Variants in CNTNAP5 observed in about 807,000 individuals in gnomAD.
CNTNAP5 encodes the protein contactin associated protein family member 5, also known as contactin-associated protein-like 5.
In CNTNAP5, 72 loss-of-function variants were observed where a neutral mutation model predicts 150.2. The ratio of observed to expected loss-of-function variants is 0.48; its 90% CI spans 0.40 to 0.58. The LOEUF is 0.58. Ranked by LOEUF, CNTNAP5 falls within the 20% of genes least tolerant of loss-of-function variation. CNTNAP5 has a pLI of 0.00. For synonymous variants in CNTNAP5, 672 were observed against 619.8 expected, an observed-to-expected ratio of 1.08 and a Z score of -1.25; for missense variants, 1,636 against 1,626.2, an observed-to-expected ratio of 1.01 and a Z score of -0.10.
At chr2:124,610,395 C>G (rs938046169) in intron 12 of CNTNAP5, among the ~76,000 whole-genome samples, 12 of 152,074 alleles carry the variant, frequency 7.9e-5, no homozygotes. Flanking sequence ...GTGGCTACCC[C>G]CAGAGCTGTG....
At chr2:124,857,886 G>A (rs1049799749) in intron 19 of CNTNAP5, among the ~76,000 whole-genome samples, 1 of 151,926 alleles carries the variant, frequency 6.6e-6, no homozygotes, top group African/African-American at 2.4e-5. Flanking sequence ...CACACTCTAG[G>A]CGAGACAGTG....
Position 124,915,523 on chromosome 2 carries a change from G to A in CNTNAP5, c.*1235G>A, listed in dbSNP as rs1678748966. 6.6e-6 allele frequency among the ~76,000 whole-genome samples: 1 copy of A among 151,962 alleles called. No homozygotes were observed. The highest frequency in any genetic ancestry group is 6.6e-5 in the Admixed American group (1 of 15,238). On this transcript the variant is annotated 3_prime_UTR_variant, in exon 24 of 24. Coordinates refer to ENST00000682447, the MANE Select transcript of CNTNAP5 (RefSeq NM_001367498.1). The stretch of plus-strand genomic sequence containing the variant: ...AAGTTTAGGATGCATTAACATAAGT[G>A]AAATGGTCACCTCTAGCTAACTAGC...
intron 10 of CNTNAP5, among the ~76,000 whole-genome samples, chr2:124,536,553 G>A (rs1357838380): frequency 1.3e-5 from 2 of 152,178 alleles, no homozygotes; most frequent in Non-Finnish European, 2.9e-5. Context: ...TTCTTAGAGA[G>A]GTTCAGTGAC....
chr2:124,459,380 G>T (rs1485779649), intron 6 of CNTNAP5, among the ~76,000 whole-genome samples: 1 of 152,166 alleles, frequency 6.6e-6, no homozygotes, highest in African/African-American at 2.4e-5. Flanking sequence ...CTCAGATTGT[G>T]ATAAAGGGTA....
At position 124,745,480 on chromosome 2, in the gene CNTNAP5, A is replaced by T. The variant is rs536621357; in HGVS notation, c.2078-1749A>T. On this transcript the variant is annotated intron_variant, in intron 13 of 23. Coordinates refer to ENST00000682447, the MANE Select transcript of CNTNAP5 (RefSeq NM_001367498.1). ...GTGATGACCCACCTAAGCTTACTCC[A>T]TTCCTGAATGTGCTCCATGCTCCAA... Among the ~76,000 whole-genome samples the T allele has an allele frequency of 2.0e-5, 3 of 152,222 alleles. No individual in the cohort carries two copies. In the South Asian group the frequency reaches 6.2e-4, roughly 32 times the overall value.
chr2:124,562,152 G>A (rs1573460527), intron 10 of CNTNAP5, among the ~76,000 whole-genome samples: 1 of 152,052 alleles, frequency 6.6e-6, no homozygotes, highest in Non-Finnish European at 1.5e-5. Flanking sequence ...TGTGATTTCT[G>A]TCTGGAAGAA....
chr2:124,117,563 A>G (rs950023446), intron 1 of CNTNAP5, among the ~76,000 whole-genome samples: 3 of 152,228 alleles, frequency 2.0e-5, no homozygotes, highest in African/African-American at 7.2e-5. Context: ...TAAACAATCT[A>G]TAATGAAATA....
At chr2:124,347,046 C>T (rs1012661739) in intron 3 of CNTNAP5, among the ~76,000 whole-genome samples, 6 of 151,938 alleles carry the variant, frequency 3.9e-5, no homozygotes, top group African/African-American at 1.5e-4. Context: ...CAAGATCATG[C>T]CACTGCACTC....
rs186952744 is a variant in CNTNAP5, at chr2:124,235,869, T to G, written c.188-6331T>G. 1.4e-4 allele frequency among the ~76,000 whole-genome samples: 21 copies of G among 152,274 alleles called. No homozygotes were observed. In the East Asian group the frequency reaches 3.9e-3, roughly 28 times the overall value. On this transcript the variant is annotated intron_variant, in intron 2 of 23. Transcript: ENST00000682447. The stretch of plus-strand genomic sequence containing the variant: ...TGCAGACTGGTCTCAATCAGGGTCA[T>G]TCCAGATTTTCTTACAGGTGTTTAT...
chr2:124,589,968 C>A (rs1049284923), intron 11 of CNTNAP5, among the ~76,000 whole-genome samples: 6 of 152,070 alleles, frequency 3.9e-5, no homozygotes, highest in Non-Finnish European at 7.4e-5. Flanking sequence ...GTGATTAGGC[C>A]ATGAGTGCTC....
chr2:124,388,766 C>T lies in CNTNAP5; in HGVS notation c.382-28677C>T, dbSNP rs147333892. On this transcript the variant is annotated intron_variant, in intron 3 of 23. Transcript: ENST00000682447. ...GTGAGACTCCACTGGCTTCAATCTC[C>T]GCCTTCCGGATTCAAGTGATTCTCC... Among the ~76,000 whole-genome samples, 113 of 152,196 alleles carry T rather than the reference C, an allele frequency of 7.4e-4. 1 individual carries two copies. In the East Asian group the frequency reaches 0.018, roughly 24 times the overall value.
At chr2:124,693,837 A>G (rs1345422632) in intron 13 of CNTNAP5, among the ~76,000 whole-genome samples, 3 of 140,490 alleles carry the variant, frequency 2.1e-5, no homozygotes, top group African/African-American at 2.7e-5. Context: ...CAAAAAAAAA[A>G]GGCAAAAAAA....
At chr2:124,582,686 T>A (rs1696441954) in intron 11 of CNTNAP5, among the ~76,000 whole-genome samples, 1 of 151,914 alleles carries the variant, frequency 6.6e-6, no homozygotes, top group Non-Finnish European at 1.5e-5. Flanking sequence ...ATATAATCCA[T>A]GAAAGTTTTT....
At chr2:124,453,935 A>C (rs1313031077) in intron 6 of CNTNAP5, among the ~76,000 whole-genome samples, 1 of 152,232 alleles carries the variant, frequency 6.6e-6, no homozygotes, top group East Asian at 1.9e-4. Flanking sequence ...GAGCCTCTTT[A>C]AAGCATAAAT....
chr2:124,775,367 A>G (rs547500802), intron 17 of CNTNAP5, among the ~76,000 whole-genome samples: 1 of 152,312 alleles, frequency 6.6e-6, no homozygotes, highest in East Asian at 1.9e-4. Context: ...TATATTTGCT[A>G]GGGAGGAAAA....
At position 124,921,157 on chromosome 2, in the gene CNTNAP5, A is replaced by G. The variant is rs6716226; in HGVS notation, c.*6869A>G. 0.031 allele frequency among the ~76,000 whole-genome samples: 4,744 copies of G among 152,242 alleles called. 270 individuals are homozygous for G. Among genetic ancestry groups the G allele is most frequent in the African/African-American group, 0.11 (4,448 of 41,536 alleles). On this transcript the variant is annotated 3_prime_UTR_variant, in exon 24 of 24. Coordinates refer to ENST00000682447, the MANE Select transcript of CNTNAP5 (RefSeq NM_001367498.1). ...GGTTATTGTTGTACAGAAGAAAGAC[A>G]AACTGTAAATAATGTATATTTAATA...
intron 13 of CNTNAP5, among the ~76,000 whole-genome samples, chr2:124,723,407 C>A (rs1180011458): frequency 1.3e-5 from 2 of 152,110 alleles, no homozygotes; most frequent in Non-Finnish European, 2.9e-5. Context: ...CATTGTATTC[C>A]TACCAAAAGT....
At chr2:124,597,304 C>T (rs1031828503) in intron 11 of CNTNAP5, among the ~76,000 whole-genome samples, 7 of 150,388 alleles carry the variant, frequency 4.7e-5, no homozygotes, top group South Asian at 2.2e-4. Flanking sequence ...CCATGTTTAG[C>T]GCTTCCTTCA....
chr2:124,579,912 C>T (rs1696372033), intron 11 of CNTNAP5, among the ~76,000 whole-genome samples: 1 of 152,146 alleles, frequency 6.6e-6, no homozygotes, highest in African/African-American at 2.4e-5. Context: ...CACTAGGTTC[C>T]AACAGACCAG....
Sources: allele counts gnomAD v4.1 joint callset (sites outside exome capture counted in the v4.1 genomes callset), GRCh38; gene constraint gnomAD v4.1.1; transcripts MANE v1.5; gene names NCBI Gene and HGNC (gene_info 2026-07-23, HGNC 2026-07-21).